TBC1D19: variants seen among roughly 807,000 people sequenced by gnomAD.
TBC1D19 encodes the protein TBC1 domain family, member 19.
Under a neutral mutation model 89.0 loss-of-function variants are expected in TBC1D19, and 60 were observed. That is an observed-to-expected ratio of 0.67 (90% confidence interval 0.55 to 0.84). TBC1D19 has a LOEUF of 0.84. Ranked by LOEUF, TBC1D19 falls within the 40% of genes least tolerant of loss-of-function variation. The pLI is 0.00. For missense variants in TBC1D19, 500 were observed against 610.8 expected (o/e 0.82, Z 1.91); for synonymous variants, 189 against 199.7 (o/e 0.95, Z 0.45).
At chr4:26,589,255 A>T (rs1268113189) in intron 1 of TBC1D19, among the ~76,000 whole-genome samples, 1 of 152,052 alleles carries the variant, frequency 6.6e-6, no homozygotes, top group African/African-American at 2.4e-5. Flanking sequence ...AACCTAGGGG[A>T]CAGAGCGAGA....
At chr4:26,831,578 C>CTTTTTTTTTTTTTTTTTTTT in the TBC1D19 span, among the ~76,000 whole-genome samples, 3 of 123,372 alleles carry the variant, frequency 2.4e-5, no homozygotes, top group Non-Finnish European at 3.1e-5. Flanking sequence ...TCTTTTTCTT[C>CTTTTTTTTTTTTTTTTTTTT]TTTTTTTTTT....
At chr4:26,625,612 T>G (rs78471692) in intron 4 of TBC1D19, among the ~76,000 whole-genome samples, 1,598 of 152,304 alleles carry the variant, frequency 0.01, 30 homozygotes, top group African/African-American at 0.037. Flanking sequence ...TACATTTGGT[T>G]GTCATGTCTC....
intron 13 of TBC1D19, among the ~76,000 whole-genome samples, chr4:26,712,947 A>T: frequency 6.6e-6 from 1 of 152,004 alleles, no homozygotes; most frequent in Non-Finnish European, 1.5e-5. Context: ...ACAGGAAAAA[A>T]CCATATCCAA....
At chr4:26,606,593 T>C (rs1352197218) in intron 1 of TBC1D19, among the ~76,000 whole-genome samples, 1 of 152,184 alleles carries the variant, frequency 6.6e-6, no homozygotes, top group African/African-American at 2.4e-5. Flanking sequence ...AAGGTAGGGA[T>C]GTAGACAGTT....
chr4:26,638,661 T>A, intron 5 of TBC1D19, 110 bp from the exon 6 acceptor site: 1 of 775,578 alleles, frequency 1.3e-6, no homozygotes, highest in South Asian at 1.9e-5. Context: ...GAAATTATAC[T>A]GTTATGGTCA....
the TBC1D19 span, among the ~76,000 whole-genome samples, chr4:26,769,145 A>G: frequency 2.7e-3 from 408 of 152,286 alleles, 3 homozygotes; most frequent in African/African-American, 9.4e-3. Context: ...ATGTCTTTAA[A>G]GCACTGGAAG....
At chr4:26,610,089 A>G (rs1033319228) in intron 1 of TBC1D19, among the ~76,000 whole-genome samples, 4 of 152,138 alleles carry the variant, frequency 2.6e-5, no homozygotes, top group Non-Finnish European at 4.4e-5. Context: ...AAGAAGCCCA[A>G]TTTAGAGGTG....
chr4:26,670,292 T>A (rs995488164), intron 9 of TBC1D19, among the ~76,000 whole-genome samples: 2 of 151,218 alleles, frequency 1.3e-5, no homozygotes, highest in African/African-American at 4.8e-5. Context: ...AGTCATTGTA[T>A]AATCTGTTCA....
chr4:26,789,419 A>G, the TBC1D19 span, among the ~76,000 whole-genome samples: 2 of 152,198 alleles, frequency 1.3e-5, no homozygotes, highest in Admixed American at 6.5e-5. Context: ...GACATTTTTC[A>G]AAAGAAGACA....
At chr4:26,606,090 C>T (rs1169559975) in intron 1 of TBC1D19, among the ~76,000 whole-genome samples, 1 of 152,078 alleles carries the variant, frequency 6.6e-6, no homozygotes, top group Non-Finnish European at 1.5e-5. Flanking sequence ...TTCCAGTGAC[C>T]CTCTGGCTTC....
At chr4:26,635,379 A>G (rs1014630192) in intron 4 of TBC1D19, among the ~76,000 whole-genome samples, 4 of 152,130 alleles carry the variant, frequency 2.6e-5, no homozygotes, top group African/African-American at 9.7e-5. Context: ...CTCATTAACA[A>G]TGTACCCAAA....
At chr4:26,723,286 G>T (rs949494318) in intron 15 of TBC1D19, among the ~76,000 whole-genome samples, 3 of 151,806 alleles carry the variant, frequency 2.0e-5, no homozygotes, top group Non-Finnish European at 4.4e-5. Flanking sequence ...TTAACTCAAG[G>T]CAATACTTAG....
chr4:26,773,341 G>C, the TBC1D19 span, among the ~76,000 whole-genome samples: 1 of 152,042 alleles, frequency 6.6e-6, no homozygotes. Flanking sequence ...AATTTGTTAT[G>C]TTTCTTGTAG....
intron 1 of TBC1D19, 143 bp downstream of exon 1, chr4:26,584,435 AAAC>A: frequency 1.5e-6 from 1 of 687,640 alleles, no homozygotes; most frequent in Non-Finnish European, 2.4e-6. Flanking sequence ...ACAAAAACAA[AAAC>A]AAAAACAAAA....
At chr4:26,648,452 C>T (rs1449577106) in intron 7 of TBC1D19, among the ~76,000 whole-genome samples, 1 of 152,242 alleles carries the variant, frequency 6.6e-6, no homozygotes, top group Admixed American at 6.5e-5. Context: ...CACTACCAGA[C>T]TTCCAGGTAT....
At chr4:26,670,652 C>G (rs1034737556) in intron 9 of TBC1D19, among the ~76,000 whole-genome samples, 1 of 151,702 alleles carries the variant, frequency 6.6e-6, no homozygotes, top group African/African-American at 2.4e-5. Context: ...AGTGAACACA[C>G]TTGCGTAACC....
chr4:26,719,621 G>A (rs969341399), intron 14 of TBC1D19, among the ~76,000 whole-genome samples: 1 of 152,078 alleles, frequency 6.6e-6, no homozygotes, highest in Non-Finnish European at 1.5e-5. Context: ...CTGAAATCAT[G>A]TGAACTGTTT....
intron 5 of TBC1D19, 106 bp from the exon 6 acceptor site, chr4:26,638,665 A>G (rs1373510937): frequency 3.7e-6 from 3 of 811,156 alleles, no homozygotes; most frequent in Non-Finnish European, 6.0e-6. Flanking sequence ...TTATACTGTT[A>G]TGGTCATTTA....
intron 13 of TBC1D19, among the ~76,000 whole-genome samples, chr4:26,707,429 A>T (rs938107831): frequency 6.6e-6 from 1 of 151,948 alleles, no homozygotes. Flanking sequence ...ATGTCTTTAG[A>T]TCTAAAATGA....
Sources: gnomAD v4.1 joint callset for allele counts (sites outside exome capture counted in the v4.1 genomes callset) on GRCh38, gnomAD v4.1.1 for gene constraint, MANE v1.5 for transcripts, NCBI Gene and HGNC (gene_info 2026-07-23, HGNC 2026-07-21) for gene names.